ADAMTS6: variants seen among roughly 807,000 people sequenced by gnomAD.
ADAMTS6 encodes ADAM metallopeptidase with thrombospondin type 1 motif 6.
ADAMTS6 carries 23 observed loss-of-function variants against 144.3 expected under a neutral mutation model. The observed-to-expected ratio is 0.16, with a 90% CI of 0.11 to 0.23. The LOEUF (loss-of-function observed/expected upper bound fraction) is 0.23, where lower values mean the gene tolerates loss of function less well. ADAMTS6 is among the 10% of genes least tolerant of loss of function. The pLI, the probability that ADAMTS6 is intolerant of heterozygous loss-of-function variation, is 1.00. For synonymous variants in ADAMTS6, 444 were observed against 457.5 expected (o/e 0.97, Z 0.38); for missense variants, 999 against 1,379.6 (o/e 0.72, Z 4.37).
At chr5:65,386,438 C>A (rs953991492) in intron 7 of ADAMTS6, among the ~76,000 whole-genome samples, 1 of 152,014 alleles carries the variant, frequency 6.6e-6, no homozygotes, top group Non-Finnish European at 1.5e-5. Flanking sequence ...TAGAAGTGTA[C>A]CTGATAGATC....
chr5:65,313,868 G>C (rs2112852589), intron 9 of ADAMTS6, among the ~76,000 whole-genome samples: 1 of 152,094 alleles, frequency 6.6e-6, no homozygotes, highest in East Asian at 1.9e-4. Flanking sequence ...ACGCAAACAT[G>C]CATCATTCAT....
intron 3 of ADAMTS6, among the ~76,000 whole-genome samples, chr5:65,466,756 GA>G (rs1163092889): frequency 3.3e-5 from 5 of 152,178 alleles, no homozygotes; most frequent in African/African-American, 1.2e-4. Flanking sequence ...AATAAGAACA[GA>G]ATAGGCCGGG....
intron 7 of ADAMTS6, among the ~76,000 whole-genome samples, chr5:65,341,071 C>T (rs1458140674): frequency 6.6e-6 from 1 of 151,758 alleles, no homozygotes; most frequent in Non-Finnish European, 1.5e-5. Flanking sequence ...CAAAACTATA[C>T]AAACGTATGA....
chr5:65,188,066 A>T lies in ADAMTS6; in HGVS notation c.2860T>A (p.Cys954Ser), dbSNP rs2112174291. ...TGTGGTGGACATGACTGGTTGTTGC[A>T]GGGCTCTTTTTCGACAGGCCGGTGT... is the stretch of plus-strand genomic sequence containing the variant. Reference protein sequence around the residue: ...LTHRPVEKEPCNNQSCPPQWV... With the variant: ...LTHRPVEKEPSNNQSCPPQWV... The change falls in exon 22 of 25, where the codon TGC (cysteine) becomes AGC (serine). Residue 954 changes from cysteine to serine, a missense_variant. Physicochemically the swap from Cys to Ser is moderately radical, Grantham distance 112. This residue lies in a region of ADAMTS6 where 619 missense variants were observed against 837.0 expected (regional missense o/e 0.74). Coordinates refer to ENST00000381055, the MANE Select transcript of ADAMTS6 (RefSeq NM_197941.4). The T allele has an allele frequency of 6.2e-7, 1 of 1,614,114 alleles. No homozygotes were observed. The highest frequency in any genetic ancestry group is 8.5e-7 in the Non-Finnish European group (1 of 1,180,002).
chr5:65,463,007 G>C (rs1255104574), intron 3 of ADAMTS6, among the ~76,000 whole-genome samples: 2 of 151,922 alleles, frequency 1.3e-5, no homozygotes, highest in Non-Finnish European at 2.9e-5. Flanking sequence ...TCGAACCTGG[G>C]AGGCGGAGGT....
intron 20 of ADAMTS6, among the ~76,000 whole-genome samples, chr5:65,208,479 G>A (rs1449934691): frequency 6.6e-6 from 1 of 152,130 alleles, no homozygotes; most frequent in Non-Finnish European, 1.5e-5. Context: ...ATCTTTATGG[G>A]TGGGGATATA....
intron 15 of ADAMTS6, among the ~76,000 whole-genome samples, chr5:65,238,548 C>T (rs1487551902): frequency 2.0e-5 from 3 of 150,774 alleles, no homozygotes; most frequent in Admixed American, 6.6e-5. Flanking sequence ...TTCAGTGAGC[C>T]GAGATTGCGC....
chr5:65,307,050 A>G (rs1744002737), intron 9 of ADAMTS6, among the ~76,000 whole-genome samples: 3 of 152,190 alleles, frequency 2.0e-5, no homozygotes, highest in African/African-American at 7.2e-5. Flanking sequence ...TACACATTTC[A>G]TGTTCCTTAT....
At chr5:65,392,204 A>G (rs1044625248) in intron 7 of ADAMTS6, among the ~76,000 whole-genome samples, 28 of 152,036 alleles carry the variant, frequency 1.8e-4, no homozygotes, top group African/African-American at 6.3e-4. Flanking sequence ...ATAAACTTTT[A>G]TCACCTGGTC....
intron 3 of ADAMTS6, among the ~76,000 whole-genome samples, chr5:65,461,317 C>T (rs1490851618): frequency 1.3e-5 from 2 of 152,204 alleles, no homozygotes; most frequent in Non-Finnish European, 2.9e-5. Flanking sequence ...AAGTTTTCAA[C>T]TCATATTTTA....
Position 65,453,958 on chromosome 5 carries a change from T to C in ADAMTS6, c.632-1040A>G, listed in dbSNP as rs535563865. Among the ~76,000 whole-genome samples the C allele has an allele frequency of 6.6e-5, 10 of 152,330 alleles. No homozygotes were observed. In the South Asian group the frequency reaches 1.7e-3, roughly 25 times the overall value. On this transcript the variant is annotated intron_variant, in intron 4 of 24. Transcript: ENST00000381055. ...CTCCAAAACTCATGTTGAAACTTAA[T>C]TGCCATTGAAACAGTATTAACAGCT...
At chr5:65,481,243 A>ACC (rs1405108007) in intron 1 of ADAMTS6, 100 bp downstream of exon 1, 1 of 150,708 alleles carries the variant, frequency 6.6e-6, no homozygotes, top group Non-Finnish European at 1.5e-5. Context: ...ACACACACAC[A>ACC]GAAAAAAAGT....
chr5:65,450,653 A>G (rs1252917350), intron 7 of ADAMTS6, among the ~76,000 whole-genome samples: 8 of 152,202 alleles, frequency 5.3e-5, no homozygotes, highest in Admixed American at 4.6e-4. Flanking sequence ...GTTTCTAACC[A>G]ATTATAAGTA....
chr5:65,472,921 T>A (rs1455011124), intron 2 of ADAMTS6, among the ~76,000 whole-genome samples: 1 of 152,156 alleles, frequency 6.6e-6, no homozygotes, highest in East Asian at 1.9e-4. Flanking sequence ...TTACTATGTA[T>A]TCATGGGAGG....
At chr5:65,374,186 A>T (rs1446518594) in intron 7 of ADAMTS6, among the ~76,000 whole-genome samples, 12 of 152,252 alleles carry the variant, frequency 7.9e-5, no homozygotes, top group East Asian at 1.9e-4. Flanking sequence ...GCATTCCCTT[A>T]GAAAACTGGC....
intron 12 of ADAMTS6, among the ~76,000 whole-genome samples, chr5:65,266,818 T>G (rs557370233): frequency 6.6e-6 from 1 of 151,988 alleles, no homozygotes; most frequent in African/African-American, 2.4e-5. Flanking sequence ...TTTATAAAAA[T>G]GGATCTCTTT....
intron 22 of ADAMTS6, among the ~76,000 whole-genome samples, chr5:65,174,934 G>A (rs1753878085): frequency 6.6e-6 from 1 of 152,150 alleles, no homozygotes; most frequent in South Asian, 2.1e-4. Context: ...TATGACACCA[G>A]GAAAACTTAG....
intron 14 of ADAMTS6, chr5:65,256,474 T>C (rs907705596): frequency 1.3e-5 from 2 of 152,210 alleles, no homozygotes; most frequent in South Asian, 2.1e-4. Context: ...TCTGAGCTAG[T>C]AGAGTCAATA....
intron 12 of ADAMTS6, among the ~76,000 whole-genome samples, chr5:65,267,265 A>G (rs1231568884): frequency 6.6e-6 from 1 of 152,086 alleles, no homozygotes; most frequent in African/African-American, 2.4e-5. Flanking sequence ...AAGGTTATCC[A>G]ATCTAGTGAT....
Sources: gnomAD v4.1 joint callset for allele counts (sites outside exome capture counted in the v4.1 genomes callset) on GRCh38, gnomAD v4.1.1 for gene constraint, gnomAD v4.1.1 regional missense constraint, MANE v1.5 for transcripts, NCBI Gene and HGNC (gene_info 2026-07-23, HGNC 2026-07-21) for gene names.